Variants in OSBPL6 observed in about 807,000 individuals in gnomAD.
The protein encoded by OSBPL6 is oxysterol-binding protein-related protein 6.
Under a neutral mutation model 125.8 loss-of-function variants are expected in OSBPL6, and 49 were observed. The observed-to-expected ratio is 0.39, with a 90% confidence interval of 0.31 to 0.49. OSBPL6 has a LOEUF of 0.49. Ranked by LOEUF, OSBPL6 falls within the 20% of genes least tolerant of loss-of-function variation. The pLI is 0.88. For synonymous variants in OSBPL6, 394 were observed against 391.8 expected, an observed-to-expected ratio of 1.01 and a Z score of -0.07; for missense variants, 986 against 1,135.4, an observed-to-expected ratio of 0.87 and a Z score of 1.89.
chr2:178,303,751 C>A (rs975897714), intron 2 of OSBPL6, among the ~76,000 whole-genome samples: 2 of 152,102 alleles, frequency 1.3e-5, no homozygotes, highest in Admixed American at 1.3e-4. Flanking sequence ...TGCCAGAGAC[C>A]TGAGATTTAG....
chr2:178,232,341 T>C (rs2090866882), intron 1 of OSBPL6, among the ~76,000 whole-genome samples: 1 of 152,188 alleles, frequency 6.6e-6, no homozygotes, highest in Non-Finnish European at 1.5e-5. Context: ...TTCCAGGAAG[T>C]AAACAAGTTT....
At chr2:178,320,529 C>T in intron 3 of OSBPL6, 2 of 916,530 alleles carry the variant, frequency 2.2e-6, no homozygotes, top group South Asian at 1.7e-5. Context: ...TTACATAACC[C>T]TTTATTTAAC....
chr2:178,394,494 G>A, intron 24 of OSBPL6, 59 bp downstream of exon 24: 1 of 1,539,112 alleles, frequency 6.5e-7, no homozygotes, highest in East Asian at 2.3e-5. Context: ...CACAGGCCAT[G>A]AGAAACTCCA....
intron 1 of OSBPL6, among the ~76,000 whole-genome samples, chr2:178,199,975 G>A (rs905958502): frequency 1.3e-5 from 2 of 152,076 alleles, no homozygotes; most frequent in Non-Finnish European, 2.9e-5. Context: ...TTATTTCTCT[G>A]TGTAAGAAAT....
At chr2:178,368,636 T>C (rs78880944) in intron 13 of OSBPL6, among the ~76,000 whole-genome samples, 5,694 of 152,154 alleles carry the variant, frequency 0.037, 176 homozygotes, top group South Asian at 0.15. Flanking sequence ...AAAGTGTAAT[T>C]CTTTACCAGT....
At chr2:178,298,008 A>G (rs1685915543) in intron 2 of OSBPL6, among the ~76,000 whole-genome samples, 2 of 151,996 alleles carry the variant, frequency 1.3e-5, no homozygotes, top group East Asian at 3.9e-4. Context: ...ACTAAACACA[A>G]CTCTTCCCAT....
intron 3 of OSBPL6, among the ~76,000 whole-genome samples, chr2:178,316,818 G>T (rs1449136773): frequency 6.6e-6 from 1 of 152,122 alleles, no homozygotes; most frequent in African/African-American, 2.4e-5. Context: ...GGGACTTGAG[G>T]ATTTGTGGAT....
At chr2:178,263,551 A>G (rs1187131457) in intron 1 of OSBPL6, among the ~76,000 whole-genome samples, 2 of 152,200 alleles carry the variant, frequency 1.3e-5, no homozygotes, top group African/African-American at 4.8e-5. Context: ...CTTGGTTTAT[A>G]AAGAGTTCAA....
chr2:178,272,420 G>T (rs1025050855), intron 1 of OSBPL6, among the ~76,000 whole-genome samples: 4 of 152,184 alleles, frequency 2.6e-5, no homozygotes, highest in African/African-American at 9.6e-5. Context: ...TGTATACGCA[G>T]ATCTTGAAAG....
At chr2:178,255,482 G>A (rs546337910) in intron 1 of OSBPL6, among the ~76,000 whole-genome samples, 1 of 152,278 alleles carries the variant, frequency 6.6e-6, no homozygotes, top group South Asian at 2.1e-4. Flanking sequence ...TGACACATGG[G>A]GATTATGGGA....
chr2:178,262,537 T>A (rs1400670472), intron 1 of OSBPL6, among the ~76,000 whole-genome samples: 3 of 152,218 alleles, frequency 2.0e-5, no homozygotes, highest in Non-Finnish European at 4.4e-5. Flanking sequence ...AGTGTCATTG[T>A]GTTTATTTAA....
At chr2:178,343,114 A>G (rs1001080840) in intron 11 of OSBPL6, among the ~76,000 whole-genome samples, 1 of 152,210 alleles carries the variant, frequency 6.6e-6, no homozygotes, top group Non-Finnish European at 1.5e-5. Context: ...AGAGGTAGAA[A>G]AAGTTTAAAT....
At chr2:178,305,529 A>G (rs1484654977) in intron 2 of OSBPL6, among the ~76,000 whole-genome samples, 1 of 152,234 alleles carries the variant, frequency 6.6e-6, no homozygotes, top group Non-Finnish European at 1.5e-5. Context: ...AAATGTGGAT[A>G]TATGTATTCC....
At chr2:178,333,391 A>G (rs1689401885) in intron 8 of OSBPL6, among the ~76,000 whole-genome samples, 2 of 152,202 alleles carry the variant, frequency 1.3e-5, no homozygotes, top group Non-Finnish European at 2.9e-5. Flanking sequence ...TCTCAAAAAT[A>G]AATAAATAAA....
chr2:178,363,819 A>G (rs893576419), intron 13 of OSBPL6, among the ~76,000 whole-genome samples: 2 of 152,186 alleles, frequency 1.3e-5, no homozygotes, highest in African/African-American at 2.4e-5. Context: ...AAAAATCTCA[A>G]TTTTAGCCTT....
At chr2:178,196,542 C>T (rs1302495840) in intron 1 of OSBPL6, among the ~76,000 whole-genome samples, 1 of 152,096 alleles carries the variant, frequency 6.6e-6, no homozygotes, top group Non-Finnish European at 1.5e-5. Flanking sequence ...TATAGGATCA[C>T]ATATGTAAGT....
At chr2:178,394,972 A>G (rs1055565528) in intron 24 of OSBPL6, among the ~76,000 whole-genome samples, 1 of 152,180 alleles carries the variant, frequency 6.6e-6, no homozygotes, top group Non-Finnish European at 1.5e-5. Flanking sequence ...GGGTAACCTT[A>G]TCTCCTTTAG....
chr2:178,291,032 A>C (rs900788094), intron 2 of OSBPL6, among the ~76,000 whole-genome samples: 2 of 152,136 alleles, frequency 1.3e-5, no homozygotes, highest in African/African-American at 4.8e-5. Flanking sequence ...TAATAATTTC[A>C]GCATGAAAAC....
intron 11 of OSBPL6, among the ~76,000 whole-genome samples, chr2:178,341,166 C>T (rs926295697): frequency 4.6e-5 from 7 of 152,226 alleles, no homozygotes; most frequent in Admixed American, 2.0e-4. Context: ...AGAACACATA[C>T]ACTTGTTAAT....
Sources: allele counts gnomAD v4.1 joint callset (sites outside exome capture counted in the v4.1 genomes callset), GRCh38; gene constraint gnomAD v4.1.1; transcripts MANE v1.5; gene names NCBI Gene and HGNC (gene_info 2026-07-23, HGNC 2026-07-21).